Variants in CNTN4 observed in about 807,000 individuals in gnomAD.
The protein encoded by CNTN4 is contactin-4.
Under a neutral mutation model 122.5 loss-of-function variants are expected in CNTN4, and 77 were observed. The ratio of observed to expected loss-of-function variants is 0.63; its 90% CI spans 0.52 to 0.76. The LOEUF is 0.76. Among genes scored for constraint, CNTN4 ranks in the 30% least tolerant of loss-of-function variants. The pLI, the probability that CNTN4 is intolerant of heterozygous loss-of-function variation, is 0.00. For missense variants in CNTN4, 1,256 were observed against 1,259.1 expected (o/e 1.00, Z 0.04); for synonymous variants, 512 against 447.0 (o/e 1.15, Z -1.83).
At chr3:2,210,207 A>G (rs1356925584) in intron 2 of CNTN4, among the ~76,000 whole-genome samples, 1 of 152,206 alleles carries the variant, frequency 6.6e-6, no homozygotes, top group African/African-American at 2.4e-5. Flanking sequence ...TTAAAAAATG[A>G]TATGATAGAT....
At chr3:2,924,635 T>C (rs567789765) in intron 12 of CNTN4, among the ~76,000 whole-genome samples, 1 of 152,228 alleles carries the variant, frequency 6.6e-6, no homozygotes, top group Admixed American at 6.5e-5. Flanking sequence ...TGATAGTATT[T>C]CCATAGGACT....
chr3:2,313,221 C>T (rs544180503), intron 2 of CNTN4, among the ~76,000 whole-genome samples: 5 of 151,740 alleles, frequency 3.3e-5, no homozygotes, highest in African/African-American at 7.3e-5. Context: ...ACTGTTTAAA[C>T]GTCTTGTACA....
At chr3:2,151,220 TG>T (rs1297968794) in intron 2 of CNTN4, among the ~76,000 whole-genome samples, 2 of 152,146 alleles carry the variant, frequency 1.3e-5, no homozygotes, top group Non-Finnish European at 2.9e-5. Context: ...CCACTTCGCC[TG>T]GCCAACAAGT....
At chr3:3,004,305 A>C (rs530329194) in intron 14 of CNTN4, among the ~76,000 whole-genome samples, 17 of 152,230 alleles carry the variant, frequency 1.1e-4, no homozygotes, top group Non-Finnish European at 2.4e-4. Context: ...GTTTTTCCTG[A>C]TCCAGCCTCT....
At chr3:3,039,255 A>G (rs1262719963) in intron 19 of CNTN4, 27 of 349,432 alleles carry the variant, frequency 7.7e-5, no homozygotes. Context: ...CACACGTTAC[A>G]AAAAAAAATA....
intron 14 of CNTN4, among the ~76,000 whole-genome samples, chr3:2,993,280 T>C (rs936678543): frequency 2.6e-5 from 4 of 152,010 alleles, no homozygotes; most frequent in African/African-American, 4.8e-5. Context: ...AGTTGAGTAA[T>C]TATGACAGAG....
At chr3:2,754,018 A>G (rs2090217323) in intron 6 of CNTN4, among the ~76,000 whole-genome samples, 1 of 152,212 alleles carries the variant, frequency 6.6e-6, no homozygotes, top group African/African-American at 2.4e-5. Context: ...CATTTTGAAT[A>G]TTGATATTTT....
intron 7 of CNTN4, among the ~76,000 whole-genome samples, chr3:2,854,994 A>G (rs184804796): frequency 9.5e-4 from 145 of 152,318 alleles, no homozygotes; most frequent in Admixed American, 1.7e-3. Flanking sequence ...TCCAGTCAAA[A>G]TTTTCCTACG....
chr3:2,873,293 A>G (rs1227860517), intron 8 of CNTN4, among the ~76,000 whole-genome samples: 2 of 152,172 alleles, frequency 1.3e-5, no homozygotes, highest in Non-Finnish European at 2.9e-5. Context: ...CTTAACTCCA[A>G]TCTCAACATT....
chr3:2,586,606 T>C (rs7624338), intron 4 of CNTN4, among the ~76,000 whole-genome samples: 15,794 of 152,168 alleles, frequency 0.1, 1,086 homozygotes, highest in Non-Finnish European at 0.15. Flanking sequence ...CCAACACTCT[T>C]CTTTTTATAG....
chr3:2,262,054 G>T (rs1256990353), intron 2 of CNTN4, among the ~76,000 whole-genome samples: 4 of 151,902 alleles, frequency 2.6e-5, no homozygotes, highest in Non-Finnish European at 4.4e-5. Context: ...TTCAGAGTTT[G>T]CCCTGTTCTT....
chr3:2,728,653 G>C (rs1208946080), intron 4 of CNTN4, among the ~76,000 whole-genome samples: 1 of 152,210 alleles, frequency 6.6e-6, no homozygotes, highest in African/African-American at 2.4e-5. Context: ...AAGCCACTCT[G>C]GTTTGCACCA....
chr3:2,891,992 G>C (rs1030925450), intron 10 of CNTN4, among the ~76,000 whole-genome samples: 1 of 152,160 alleles, frequency 6.6e-6, no homozygotes, highest in Admixed American at 6.5e-5. Context: ...AGAGACTTGA[G>C]ATATATTTTG....
At chr3:2,843,320 C>A (rs2093397019) in intron 7 of CNTN4, among the ~76,000 whole-genome samples, 1 of 152,000 alleles carries the variant, frequency 6.6e-6, no homozygotes, top group African/African-American at 2.4e-5. Flanking sequence ...CAAAACATAC[C>A]CTGTATCAAA....
intron 2 of CNTN4, among the ~76,000 whole-genome samples, chr3:2,122,130 G>A (rs1283003895): frequency 2.0e-5 from 3 of 151,170 alleles, no homozygotes; most frequent in Admixed American, 6.6e-5. Context: ...ACTCCAGCCT[G>A]GGCGACAGAG....
At chr3:2,246,113 C>T (rs184850399) in intron 2 of CNTN4, among the ~76,000 whole-genome samples, 1 of 151,980 alleles carries the variant, frequency 6.6e-6, no homozygotes, top group Non-Finnish European at 1.5e-5. Flanking sequence ...AAATTTTAAC[C>T]CTACATTCTC....
At chr3:2,961,660 A>G (rs1415370232) in intron 13 of CNTN4, among the ~76,000 whole-genome samples, 3 of 152,312 alleles carry the variant, frequency 2.0e-5, no homozygotes, top group Admixed American at 6.5e-5. Context: ...GAAGAGAGCC[A>G]TCCTTTGAAG....
intron 3 of CNTN4, among the ~76,000 whole-genome samples, chr3:2,522,378 T>C (rs932220593): frequency 3.3e-5 from 5 of 152,078 alleles, no homozygotes; most frequent in African/African-American, 1.2e-4. Flanking sequence ...ACAAACGATG[T>C]AGTCTTAAAT....
chr3:2,952,096 C>T (rs556474475), intron 13 of CNTN4, among the ~76,000 whole-genome samples: 23 of 152,156 alleles, frequency 1.5e-4, no homozygotes, highest in Non-Finnish European at 2.1e-4. Context: ...TTCTGCTGCC[C>T]TTGTAGTATG....
Sources: gnomAD v4.1 joint callset for allele counts (sites outside exome capture counted in the v4.1 genomes callset) on GRCh38, gnomAD v4.1.1 for gene constraint, MANE v1.5 for transcripts, NCBI Gene and HGNC (gene_info 2026-07-23, HGNC 2026-07-21) for gene names.